Variants in HMCES observed in about 807,000 individuals in gnomAD.
HMCES encodes the protein abasic site processing protein HMCES.
In HMCES, 27 loss-of-function variants were observed where a neutral mutation model predicts 35.1. That is an observed-to-expected ratio of 0.77 (90% CI 0.57 to 1.06). The LOEUF is 1.06. Among genes scored for constraint, HMCES ranks in the 50% least tolerant of loss-of-function variants. HMCES has a pLI of 0.00. For missense variants in HMCES, 391 were observed against 430.4 expected (o/e 0.91, Z 0.81); for synonymous variants, 130 against 154.7 (o/e 0.84, Z 1.18).
chr3:129,300,758 C>T lies in HMCES; in HGVS notation c.636-1192C>T, dbSNP rs150729107. ...AAAAATACAAAAAAATGGCCAGGCGCGGTGGCTCACACCTGTAATCCCAGC... is the reference window on the plus strand; with the variant it reads ...AAAAATACAAAAAAATGGCCAGGCGTGGTGGCTCACACCTGTAATCCCAGC... On this transcript the variant is annotated intron_variant, in intron 5 of 6. Coordinates refer to ENST00000383463, the MANE Select transcript of HMCES (RefSeq NM_020187.3). 8.6e-3 allele frequency among the ~76,000 whole-genome samples: 1,304 copies of T among 152,066 alleles called. 20 individuals are homozygous for T. Among genetic ancestry groups the T allele is most frequent in the African/African-American group, 0.03 (1,231 of 41,470 alleles).
chr3:129,293,561 CTTTTTT>C (rs60989412), intron 4 of HMCES, among the ~76,000 whole-genome samples: 12 of 86,716 alleles, frequency 1.4e-4, no homozygotes, highest in South Asian at 3.8e-4. Flanking sequence ...TACATTAATT[CTTTTTT>C]TTTTTTTTTT....
intron 2 of HMCES, among the ~76,000 whole-genome samples, chr3:129,285,854 C>T (rs1042928374): frequency 6.7e-6 from 1 of 150,152 alleles, no homozygotes; most frequent in Non-Finnish European, 1.5e-5. Flanking sequence ...CTCAGCCTCC[C>T]GAGTAACTGG....
chr3:129,304,879 T>C lies in HMCES; in HGVS notation c.*54T>C. 7.3e-7 allele frequency: 1 copy of C among 1,372,558 alleles called. No individual in the cohort carries two copies. The highest frequency in any genetic ancestry group is 1.0e-6 in the Non-Finnish European group (1 of 963,478). The allele number at this position is 1,372,558 out of a possible 1,614,324, so 85.0% of individuals were successfully genotyped here. ...GTCTGCTGCACTGCTGTTCTGATAA[T>C]AGGTTCTTAACATTGTATGTATATG... On this transcript the variant is annotated 3_prime_UTR_variant, in exon 7 of 7. Coordinates refer to ENST00000383463, the MANE Select transcript of HMCES (RefSeq NM_020187.3).
chr3:129,289,135 A>G (rs1231502806), intron 3 of HMCES, 138 bp downstream of exon 3: 2 of 685,414 alleles, frequency 2.9e-6, no homozygotes, highest in African/African-American at 3.6e-5. Flanking sequence ...TTAATGTGGA[A>G]TGCTATTTTG....
At chr3:129,297,527 T>G (rs968242083) in intron 4 of HMCES, among the ~76,000 whole-genome samples, 1 of 152,182 alleles carries the variant, frequency 6.6e-6, no homozygotes, top group Non-Finnish European at 1.5e-5. Flanking sequence ...GCTCCTGCCC[T>G]GTGCCGTCTT....
rs1406299512 is a variant in HMCES, at chr3:129,298,460, A to G, written c.560A>G (p.Glu187Gly). 13 of 1,614,062 alleles carry G rather than the reference A, an allele frequency of 8.1e-6. No individual in the cohort carries two copies. The highest frequency in any genetic ancestry group is 2.2e-5 in the East Asian group (1 of 44,896). ...AGIFDCWEPP[E>G]GGDVLYSYTI... ...ATCTTTGACTGCTGGGAGCCCCCAG[A>G]GGGAGGAGATGTCCTGTATTCCTAT... is the stretch of plus-strand genomic sequence containing the variant. The change falls in exon 5 of 7, where the codon GAG (glutamate) becomes GGG (glycine). Residue 187 changes from glutamate to glycine, a missense_variant. Physicochemically the swap from Glu to Gly is moderately conservative, Grantham distance 98. Transcript: ENST00000383463.
chr3:129,293,701 G>A (rs761387521), intron 4 of HMCES, among the ~76,000 whole-genome samples: 5 of 150,958 alleles, frequency 3.3e-5, no homozygotes, highest in East Asian at 3.9e-4. Context: ...CTGAATAGCC[G>A]GGATTACAGG....
intron 5 of HMCES, 46 bp downstream of exon 5, chr3:129,298,581 G>C: frequency 6.5e-7 from 1 of 1,547,192 alleles, no homozygotes; most frequent in Non-Finnish European, 8.9e-7. Flanking sequence ...TCCAAAAGAT[G>C]ATTTGTCCTC....
Position 129,304,813 on chromosome 3 carries a change from T to C in HMCES, c.1053T>C (p.Pro351=), listed in dbSNP as rs140047162. The change falls in exon 7 of 7, where the codon CCT becomes CCC. Residue 351 remains proline, a synonymous_variant. Transcript: ENST00000383463. ...EKEEEPVAKR[P]YSQ ...AGGAGGAACCTGTGGCCAAGCGTCC[T>C]TACAGCCAGTGACACAGGACTTTCA... is the stretch of plus-strand genomic sequence containing the variant. 4.3e-6 allele frequency: 7 copies of C among 1,613,938 alleles called. No individual in the cohort carries two copies. The African/African-American group carries it at 6.7e-5, about 15-fold the overall frequency.
chr3:129,300,234 GTAAAATAGTA>G (rs1274779874), intron 5 of HMCES, among the ~76,000 whole-genome samples: 2 of 150,778 alleles, frequency 1.3e-5, no homozygotes, highest in African/African-American at 2.4e-5. Flanking sequence ...ACACAATTTT[GTAAAATAGTA>G]TGCAGTGAGC....
intron 6 of HMCES, among the ~76,000 whole-genome samples, chr3:129,302,435 C>T (rs899498395): frequency 6.6e-6 from 1 of 152,186 alleles, no homozygotes; most frequent in East Asian, 1.9e-4. Context: ...AAGCTTCAGG[C>T]TGGGCGCAGT....
At chr3:129,296,314 G>T (rs1223966800) in intron 4 of HMCES, among the ~76,000 whole-genome samples, 2 of 152,126 alleles carry the variant, frequency 1.3e-5, no homozygotes, top group Non-Finnish European at 2.9e-5. Flanking sequence ...GCCTGCCTTG[G>T]CCTCCCAGAG....
chr3:129,282,303 A>C (rs1288776506), intron 2 of HMCES, among the ~76,000 whole-genome samples: 3 of 152,158 alleles, frequency 2.0e-5, no homozygotes, highest in African/African-American at 4.8e-5. Flanking sequence ...AACAAAAAAA[A>C]AAAAAAAAAG....
chr3:129,292,529 G>C (rs62266896), intron 4 of HMCES, among the ~76,000 whole-genome samples: 17,622 of 139,130 alleles, frequency 0.13, 1,234 homozygotes, highest in Middle Eastern at 0.25. Context: ...GTCTCTCTCT[G>C]TTGCCCAGGC....
intron 6 of HMCES, among the ~76,000 whole-genome samples, chr3:129,302,570 G>A (rs2071182744): frequency 6.6e-6 from 1 of 152,096 alleles, no homozygotes; most frequent in Non-Finnish European, 1.5e-5. Flanking sequence ...AAAATTAGCT[G>A]GGTGTGGTGG....
chr3:129,285,932 G>A (rs371133485), intron 2 of HMCES, among the ~76,000 whole-genome samples: 4 of 151,886 alleles, frequency 2.6e-5, no homozygotes, highest in Admixed American at 1.3e-4. Flanking sequence ...GTTTTGCCAC[G>A]TTGGCCAGGC....
rs993849644 is a variant in HMCES, at chr3:129,306,128, T to A, written c.*1303T>A. The A allele has an allele frequency of 6.6e-6, 1 of 152,192 alleles. No individual in the cohort carries two copies. Among genetic ancestry groups the A allele is most frequent in the Non-Finnish European group, 1.5e-5 (1 of 68,032 alleles). 9.4% of individuals were successfully genotyped at this position (152,192 alleles called of 1,614,324 possible). On this transcript the variant is annotated 3_prime_UTR_variant, in exon 7 of 7. Coordinates refer to ENST00000383463, the MANE Select transcript of HMCES (RefSeq NM_020187.3). Reference sequence around the variant, plus strand: ...AAGAGATTTAAAAAATTCAGATGACTTACTAGTATGACTGTTTTGTCATAT... The same window carrying A: ...AAGAGATTTAAAAAATTCAGATGACATACTAGTATGACTGTTTTGTCATAT...
chr3:129,288,350 A>G (rs1560074156), intron 2 of HMCES, among the ~76,000 whole-genome samples: 2 of 152,314 alleles, frequency 1.3e-5, no homozygotes, highest in South Asian at 2.1e-4. Flanking sequence ...CTTACATTCT[A>G]GTAAATATGA....
rs558314231 is a variant in HMCES at position 129,292,313 on chromosome 3, A to G, written c.453+1509A>G. 7.3e-5 allele frequency among the ~76,000 whole-genome samples: 11 copies of G among 151,272 alleles called. No homozygotes were observed. The South Asian group carries it at 2.3e-3, about 32-fold the overall frequency. ...GACTGGAAATAGTGTTACCGAGTAA[A>G]AGGGACTTGCTACCCAATGTGCTAG... On this transcript the variant is annotated intron_variant, in intron 4 of 6. Transcript: ENST00000383463.
Sources: gnomAD v4.1 joint callset for allele counts (sites outside exome capture counted in the v4.1 genomes callset) on GRCh38, gnomAD v4.1.1 for gene constraint, MANE v1.5 for transcripts, NCBI Gene and HGNC (gene_info 2026-07-23, HGNC 2026-07-21) for gene names.